NOS1AP: variants seen among roughly 807,000 people sequenced by gnomAD.
NOS1AP encodes the protein carboxyl-terminal PDZ ligand of neuronal nitric oxide synthase protein.
NOS1AP carries 21 observed loss-of-function variants against 56.2 expected under a neutral mutation model. That is an observed-to-expected ratio of 0.37 (90% CI 0.26 to 0.54). The LOEUF is 0.54. Ranked by LOEUF, NOS1AP falls within the 20% of genes least tolerant of loss-of-function variation. The pLI is 0.84. For missense variants in NOS1AP, 522 were observed against 657.8 expected, an observed-to-expected ratio of 0.79 and a Z score of 2.26; for synonymous variants, 270 against 274.6, an observed-to-expected ratio of 0.98 and a Z score of 0.17.
At chr1:162,149,342 G>C (rs1185823149) in intron 1 of NOS1AP, among the ~76,000 whole-genome samples, 3 of 113,850 alleles carry the variant, frequency 2.6e-5, no homozygotes, top group Non-Finnish European at 5.1e-5. Flanking sequence ...CCAGTCAAGA[G>C]TGGGAGGGTC....
chr1:162,232,999 G>A (rs761743189), intron 2 of NOS1AP, among the ~76,000 whole-genome samples: 6 of 152,112 alleles, frequency 3.9e-5, no homozygotes, highest in Non-Finnish European at 7.4e-5. Flanking sequence ...TTACAGTCTG[G>A]CTCCATAGTC....
At position 162,197,010 on chromosome 1, in the gene NOS1AP, T is replaced by C. The variant is rs941029386; in HGVS notation, c.177+42534T>C. On this transcript the variant is annotated intron_variant, in intron 2 of 9. Transcript: ENST00000361897. Reference sequence around the variant, plus strand: ...CGAGGAGTGGTTCGAATAGAGTTTGTCGGTGGCTCTCCTTTTCTTCGCCCA... The same window carrying C: ...CGAGGAGTGGTTCGAATAGAGTTTGCCGGTGGCTCTCCTTTTCTTCGCCCA... Among the ~76,000 whole-genome samples, 6 of 152,320 alleles carry C rather than the reference T, an allele frequency of 3.9e-5. No homozygotes were observed. The East Asian group carries it at 1.2e-3, about 29-fold the overall frequency.
chr1:162,104,737 T>G (rs1647432304), intron 1 of NOS1AP, among the ~76,000 whole-genome samples: 1 of 152,352 alleles, frequency 6.6e-6, no homozygotes, highest in Admixed American at 6.5e-5. Context: ...TCCTGTGTTG[T>G]GTTTTTCAGC....
intron 1 of NOS1AP, among the ~76,000 whole-genome samples, chr1:162,086,026 G>C (rs1454520020): frequency 6.6e-6 from 1 of 152,106 alleles, no homozygotes; most frequent in Non-Finnish European, 1.5e-5. Context: ...CTTTGGTGCT[G>C]AAATGAGGTC....
At chr1:162,281,409 TCA>T (rs945921073) in intron 2 of NOS1AP, among the ~76,000 whole-genome samples, 2 of 152,198 alleles carry the variant, frequency 1.3e-5, no homozygotes, top group Admixed American at 1.3e-4. Context: ...GAAATATGTA[TCA>T]GTCATATTTC....
chr1:162,171,044 G>A (rs938648521), intron 2 of NOS1AP, among the ~76,000 whole-genome samples: 1 of 152,188 alleles, frequency 6.6e-6, no homozygotes, highest in African/African-American at 2.4e-5. Flanking sequence ...TTGGATTTGG[G>A]GTGGGGTCCA....
At chr1:162,185,324 G>A (rs1411047460) in intron 2 of NOS1AP, among the ~76,000 whole-genome samples, 1 of 152,224 alleles carries the variant, frequency 6.6e-6, no homozygotes, top group Non-Finnish European at 1.5e-5. Flanking sequence ...TCTTTGGGGA[G>A]GATGCAGCTT....
At chr1:162,268,539 C>G (rs923482629) in intron 2 of NOS1AP, among the ~76,000 whole-genome samples, 4 of 152,164 alleles carry the variant, frequency 2.6e-5, no homozygotes, top group African/African-American at 9.7e-5. Flanking sequence ...CTTCCACTTT[C>G]TTAAATATGG....
At chr1:162,336,903 C>A (rs993650665) in intron 5 of NOS1AP, among the ~76,000 whole-genome samples, 7 of 152,192 alleles carry the variant, frequency 4.6e-5, no homozygotes, top group Non-Finnish European at 8.8e-5. Flanking sequence ...ACTCTTCAGA[C>A]CCATGCTAGA....
chr1:162,179,324 G>T (rs190231547), intron 2 of NOS1AP, among the ~76,000 whole-genome samples: 111 of 152,272 alleles, frequency 7.3e-4, no homozygotes, highest in African/African-American at 2.4e-3. Context: ...TGAGTAACCT[G>T]CCCTGAGTTA....
intron 9 of NOS1AP, among the ~76,000 whole-genome samples, chr1:162,365,838 A>G (rs1472006244): frequency 6.6e-6 from 1 of 152,054 alleles, no homozygotes; most frequent in African/African-American, 2.4e-5. Flanking sequence ...TCCAGTCTCT[A>G]TTTGATAGGG....
At chr1:162,276,602 A>G (rs1425264197) in intron 2 of NOS1AP, among the ~76,000 whole-genome samples, 1 of 151,734 alleles carries the variant, frequency 6.6e-6, no homozygotes, top group East Asian at 1.9e-4. Flanking sequence ...TGGGATCCAG[A>G]CACCAGTATT....
intron 1 of NOS1AP, among the ~76,000 whole-genome samples, chr1:162,140,383 G>A (rs1046909410): frequency 1.3e-5 from 2 of 152,142 alleles, no homozygotes; most frequent in African/African-American, 4.8e-5. Flanking sequence ...CCATTTATAA[G>A]TGAGAACCTA....
intron 3 of NOS1AP, among the ~76,000 whole-genome samples, chr1:162,300,178 G>GTGC (rs938215171): frequency 1.3e-5 from 2 of 152,128 alleles, no homozygotes; most frequent in African/African-American, 4.8e-5. Flanking sequence ...CCACACTGGG[G>GTGC]TGCTTCTCAC....
intron 1 of NOS1AP, among the ~76,000 whole-genome samples, chr1:162,115,876 A>G (rs1334832571): frequency 6.6e-6 from 1 of 152,192 alleles, no homozygotes; most frequent in Non-Finnish European, 1.5e-5. Flanking sequence ...TTGATCAGAT[A>G]TTTATGGGAG....
At chr1:162,108,209 GATGTGC>G (rs1647583528) in intron 1 of NOS1AP, among the ~76,000 whole-genome samples, 2 of 152,130 alleles carry the variant, frequency 1.3e-5, no homozygotes, top group Non-Finnish European at 2.9e-5. Context: ...AGATATACAA[GATGTGC>G]CTGGTTCATC....
intron 2 of NOS1AP, among the ~76,000 whole-genome samples, chr1:162,202,770 A>G (rs1246289249): frequency 1.3e-5 from 2 of 152,236 alleles, no homozygotes; most frequent in Non-Finnish European, 2.9e-5. Flanking sequence ...ATTTTGTATC[A>G]ACTAAGATGC....
At chr1:162,114,774 T>C (rs571486717) in intron 1 of NOS1AP, among the ~76,000 whole-genome samples, 42 of 152,354 alleles carry the variant, frequency 2.8e-4, no homozygotes, top group African/African-American at 9.6e-4. Context: ...GTCTAGATTT[T>C]GTCATATTCA....
intron 2 of NOS1AP, among the ~76,000 whole-genome samples, chr1:162,166,752 G>C (rs764531117): frequency 1.3e-5 from 2 of 152,158 alleles, no homozygotes; most frequent in African/African-American, 4.8e-5. Flanking sequence ...AGAAGTAAAT[G>C]CAATAATGGG....
Sources: gnomAD v4.1 joint callset for allele counts (sites outside exome capture counted in the v4.1 genomes callset) on GRCh38, gnomAD v4.1.1 for gene constraint, MANE v1.5 for transcripts, NCBI Gene and HGNC (gene_info 2026-07-23, HGNC 2026-07-21) for gene names.